Variants in ERO1B observed in about 807,000 individuals in gnomAD.
ERO1B encodes the protein ERO1-like protein beta.
In ERO1B, 49 loss-of-function variants were observed where a neutral mutation model predicts 75.3. That is an observed-to-expected ratio of 0.65 (90% CI 0.52 to 0.83). The LOEUF is 0.83. Ranked by LOEUF, ERO1B falls within the 40% of genes least tolerant of loss-of-function variation. The probability of loss-of-function intolerance (pLI) is 0.00; values close to 1 mark genes in which losing one functional copy is unlikely to be tolerated. For synonymous variants in ERO1B, 191 were observed against 192.9 expected (o/e 0.99, Z 0.08); for missense variants, 512 against 560.1 (o/e 0.91, Z 0.87).
intron 3 of ERO1B, among the ~76,000 whole-genome samples, chr1:236,252,568 T>C (rs1001841782): frequency 3.9e-5 from 6 of 152,316 alleles, no homozygotes; most frequent in East Asian, 3.9e-4. Context: ...AGTTTACCAA[T>C]CTAATCTAGG....
intron 2 of ERO1B, among the ~76,000 whole-genome samples, chr1:236,258,979 GT>G (rs1339750968): frequency 6.6e-6 from 1 of 152,030 alleles, no homozygotes; most frequent in East Asian, 1.9e-4. Context: ...TGTACTGGTG[GT>G]GTAAATATCA....
intron 10 of ERO1B, among the ~76,000 whole-genome samples, chr1:236,227,107 A>AT (rs1231859463): frequency 6.6e-6 from 1 of 152,120 alleles, no homozygotes; most frequent in East Asian, 1.9e-4. Flanking sequence ...TCACTGCTGG[A>AT]TTTTTCCCCC....
chr1:236,220,958 C>A lies in ERO1B; in HGVS notation c.1217G>T (p.Gly406Val). ...CRLWGKLQTQGLGTALKILFS... is the reference protein window; with the variant it reads ...CRLWGKLQTQVLGTALKILFS... The stretch of plus-strand genomic sequence containing the variant: ...TAATATCTTCAGGGCAGTTCCTAAA[C>A]CCTGAGTCTAAAGAAAATAGCAATA... Residue 406 changes from glycine (G) to valine (V), a missense_variant, in exon 15 of 16, where the codon GGT becomes GTT. Physicochemically the swap from Gly to Val is moderately radical, Grantham distance 109 (BLOSUM62 -3). Coordinates refer to ENST00000354619, the MANE Select transcript of ERO1B (RefSeq NM_019891.4). 1.3e-6 allele frequency: 2 copies of A among 1,544,546 alleles called. No individual in the cohort carries two copies. Among genetic ancestry groups the A allele is most frequent in the Non-Finnish European group, 8.7e-7 (1 of 1,152,316 alleles).
intron 2 of ERO1B, among the ~76,000 whole-genome samples, chr1:236,255,272 A>G (rs1436054397): frequency 6.6e-6 from 1 of 151,710 alleles, no homozygotes; most frequent in Non-Finnish European, 1.5e-5. Context: ...TGCCTGTATT[A>G]TTGCTCCTCC....
At chr1:236,249,841 T>A in intron 5 of ERO1B, 44 bp downstream of exon 5, 1 of 1,347,266 alleles carries the variant, frequency 7.4e-7, no homozygotes, top group Non-Finnish European at 1.0e-6. Context: ...TGATTCTTGA[T>A]ATCAATGAGA....
At chr1:236,281,340 G>C (rs1049765662) in intron 1 of ERO1B, 15 of 190,982 alleles carry the variant, frequency 7.9e-5, no homozygotes, top group Non-Finnish European at 1.5e-4. Flanking sequence ...CCCTTCGCAA[G>C]ACAGCCGAGG....
intron 15 of ERO1B, among the ~76,000 whole-genome samples, chr1:236,218,803 A>G (rs1664061700): frequency 6.6e-6 from 1 of 152,200 alleles, no homozygotes; most frequent in Admixed American, 6.5e-5. Flanking sequence ...AATAATGGGA[A>G]CAGTGATATG....
intron 5 of ERO1B, among the ~76,000 whole-genome samples, 185 bp downstream of exon 5, chr1:236,249,700 G>A (rs1370152064): frequency 6.6e-6 from 1 of 152,048 alleles, no homozygotes; most frequent in Non-Finnish European, 1.5e-5. Context: ...AGAAATTTAA[G>A]GATAAATCAG....
intron 2 of ERO1B, among the ~76,000 whole-genome samples, chr1:236,256,533 G>A (rs569286433): frequency 3.0e-4 from 26 of 86,262 alleles, no homozygotes; most frequent in Non-Finnish European, 5.5e-4. Flanking sequence ...GGAAGGAGGC[G>A]GGGGGACCTC....
At chr1:236,232,939 A>G (rs985356996) in intron 8 of ERO1B, 100 bp from the exon 9 acceptor site, 4 of 1,000,928 alleles carry the variant, frequency 4.0e-6, no homozygotes, top group African/African-American at 3.3e-5. Context: ...TATTAATTAT[A>G]TCACAAACCT....
Position 236,226,648 on chromosome 1 carries a change from T to C in ERO1B, c.804A>G (p.Glu268=). The C allele has an allele frequency of 6.2e-7, 1 of 1,609,912 alleles. No homozygotes were observed. ...ATCTCGACTTAAAAATATGATTACC[T>C]TCCAAAAGATAATTTGCGCATAGAT... is the stretch of plus-strand genomic sequence containing the variant. The part of the protein sequence containing the change: ...NLHLCANYLL[E]ETWGKPSWGP... Residue 268 remains glutamate, a splice_region_variant and synonymous_variant, in exon 11 of 16, where the codon GAA becomes GAG. Transcript: ENST00000354619.
At chr1:236,263,311 T>C (rs1665334962) in intron 2 of ERO1B, among the ~76,000 whole-genome samples, 1 of 152,042 alleles carries the variant, frequency 6.6e-6, no homozygotes, top group African/African-American at 2.4e-5. Flanking sequence ...TGCAGTGGCA[T>C]GATCTCGGCT....
At chr1:236,250,328 A>G (rs916456043) in intron 4 of ERO1B, among the ~76,000 whole-genome samples, 2 of 151,500 alleles carry the variant, frequency 1.3e-5, no homozygotes, top group African/African-American at 4.8e-5. Flanking sequence ...AAATTATCCA[A>G]GTGTGGTGGC....
In ERO1B at chr1:236,221,971, T is replaced by C. The variant is rs1558504681; in HGVS notation, c.1162A>G (p.Met388Val). ...RLHFKNISRI[M>V]DCVGCDKCRL... ...CATTTGTCACATCCAACACAGTCCA[T>C]TATACGGGAGATATTCTTGAAATGT... The change falls in exon 14 of 16, where the codon ATG becomes GTG. Residue 388 changes from methionine (M) to valine (V), a missense_variant. Coordinates refer to ENST00000354619, the MANE Select transcript of ERO1B (RefSeq NM_019891.4). 1 of 1,613,782 alleles carries C rather than the reference T, an allele frequency of 6.2e-7. No homozygotes were observed. Among genetic ancestry groups the C allele is most frequent in the Admixed American group, 1.7e-5 (1 of 60,006 alleles).
intron 8 of ERO1B, 91 bp from the exon 9 acceptor site, chr1:236,232,930 A>G: frequency 9.2e-7 from 1 of 1,086,536 alleles, no homozygotes; most frequent in Non-Finnish European, 1.3e-6. Flanking sequence ...CTGTTAAACT[A>G]TTAATTATAT....
chr1:236,230,955 T>G (rs1360421204), intron 9 of ERO1B, among the ~76,000 whole-genome samples: 1 of 152,004 alleles, frequency 6.6e-6, no homozygotes, highest in African/African-American at 2.4e-5. Flanking sequence ...TATATAAATC[T>G]TATTCATTGA....
intron 1 of ERO1B, among the ~76,000 whole-genome samples, chr1:236,277,383 G>A (rs887267831): frequency 2.7e-5 from 4 of 149,726 alleles, no homozygotes; most frequent in Non-Finnish European, 4.4e-5. Flanking sequence ...CAGCCTGGGT[G>A]ACAGAGCGAG....
At chr1:236,275,171 G>A (rs1039170616) in intron 1 of ERO1B, among the ~76,000 whole-genome samples, 7 of 152,188 alleles carry the variant, frequency 4.6e-5, no homozygotes, top group Non-Finnish European at 8.8e-5. Context: ...GACCAACTGG[G>A]TGGTGTCCAA....
chr1:236,279,189 T>A (rs1456113086), intron 1 of ERO1B, among the ~76,000 whole-genome samples: 4 of 152,198 alleles, frequency 2.6e-5, no homozygotes, highest in Non-Finnish European at 5.9e-5. Context: ...GTAACCATGT[T>A]ATAGATTAAA....
Sources: gnomAD v4.1 joint callset for allele counts (sites outside exome capture counted in the v4.1 genomes callset) on GRCh38, gnomAD v4.1.1 for gene constraint, MANE v1.5 for transcripts, NCBI Gene and HGNC (gene_info 2026-07-23, HGNC 2026-07-21) for gene names.